DNER: variants seen among roughly 807,000 people sequenced by gnomAD.
DNER encodes delta and Notch-like epidermal growth factor-related receptor.
A neutral mutation model predicts 78.2 loss-of-function variants in DNER; 33 were observed. That is an observed-to-expected ratio of 0.42 (90% CI 0.32 to 0.56). DNER has a LOEUF of 0.56. DNER is among the 20% of genes least tolerant of loss of function. DNER has a pLI of 0.11. For missense variants in DNER, 918 were observed against 975.3 expected, an observed-to-expected ratio of 0.94 and a Z score of 0.78; for synonymous variants, 417 against 384.8, an observed-to-expected ratio of 1.08 and a Z score of -0.98.
At chr2:229,442,617 C>T (rs1461728368) in intron 8 of DNER, among the ~76,000 whole-genome samples, 3 of 152,110 alleles carry the variant, frequency 2.0e-5, no homozygotes, top group South Asian at 2.1e-4. Flanking sequence ...AATGTAAAGG[C>T]ACATGGGCCT....
At chr2:229,509,622 T>C (rs1695822865) in intron 6 of DNER, among the ~76,000 whole-genome samples, 1 of 152,156 alleles carries the variant, frequency 6.6e-6, no homozygotes, top group African/African-American at 2.4e-5. Context: ...GAGACCAGCC[T>C]GGCCATCATG....
chr2:229,519,045 C>T (rs1696039994), intron 5 of DNER, among the ~76,000 whole-genome samples: 1 of 151,810 alleles, frequency 6.6e-6, no homozygotes, highest in Admixed American at 6.6e-5. Flanking sequence ...TCTATGACTA[C>T]CTGACTATTT....
chr2:229,439,436 A>G (rs1694189551), intron 8 of DNER, among the ~76,000 whole-genome samples: 1 of 152,180 alleles, frequency 6.6e-6, no homozygotes, highest in South Asian at 2.1e-4. Flanking sequence ...GTTTGTCTGC[A>G]TTTTAAAGGT....
At chr2:229,479,690 A>G (rs1013435) in intron 6 of DNER, among the ~76,000 whole-genome samples, 90,123 of 149,670 alleles carry the variant, frequency 0.6, 27,383 homozygotes, top group South Asian at 0.83. Flanking sequence ...TCCAGCCTGG[A>G]CAATGGAGTG....
chr2:229,614,248 C>T (rs553652214), intron 1 of DNER, among the ~76,000 whole-genome samples: 132 of 151,698 alleles, frequency 8.7e-4, no homozygotes, highest in Non-Finnish European at 1.3e-3. Flanking sequence ...CCTAATCATG[C>T]GTGCTAATTG....
intron 4 of DNER, among the ~76,000 whole-genome samples, chr2:229,555,796 AAAAT>A (rs1696844911): frequency 6.6e-6 from 1 of 152,212 alleles, no homozygotes; most frequent in African/African-American, 2.4e-5. Context: ...TAAAAAAAAA[AAAAT>A]TGCTTACCAA....
chr2:229,655,896 A>G (rs1698903049), intron 1 of DNER, among the ~76,000 whole-genome samples: 1 of 152,104 alleles, frequency 6.6e-6, no homozygotes, highest in Non-Finnish European at 1.5e-5. Flanking sequence ...GTAAAGACCC[A>G]CATGAAGATG....
At chr2:229,387,888 TGTG>T (rs375524716) in intron 11 of DNER, among the ~76,000 whole-genome samples, 53 of 127,864 alleles carry the variant, frequency 4.1e-4, no homozygotes, top group African/African-American at 1.4e-3. Flanking sequence ...TGTGTGTGTG[TGTG>T]TTTTTTAATT....
At chr2:229,378,040 G>C (rs187954416) in intron 11 of DNER, among the ~76,000 whole-genome samples, 1 of 152,258 alleles carries the variant, frequency 6.6e-6, no homozygotes, top group African/African-American at 2.4e-5. Context: ...TGAGTGATGA[G>C]AATGAAAGCA....
chr2:229,404,334 G>A (rs1693334930), intron 10 of DNER, among the ~76,000 whole-genome samples: 1 of 152,184 alleles, frequency 6.6e-6, no homozygotes, highest in Non-Finnish European at 1.5e-5. Context: ...AATCATGGCA[G>A]AAGGCACCTC....
intron 1 of DNER, among the ~76,000 whole-genome samples, chr2:229,691,257 T>G (rs1304064380): frequency 6.6e-6 from 1 of 152,190 alleles, no homozygotes; most frequent in East Asian, 1.9e-4. Context: ...TATAGTTAGA[T>G]TTTGTATTTT....
chr2:229,604,124 CAG>C (rs1171187692), intron 1 of DNER, among the ~76,000 whole-genome samples: 1 of 152,220 alleles, frequency 6.6e-6, no homozygotes, highest in Non-Finnish European at 1.5e-5. Context: ...ACATGCCAAA[CAG>C]GGGTGGAAAC....
chr2:229,635,557 A>T (rs1421448676), intron 1 of DNER, among the ~76,000 whole-genome samples: 1 of 152,048 alleles, frequency 6.6e-6, no homozygotes, highest in African/African-American at 2.4e-5. Context: ...TGAAGGAGGG[A>T]AGAGGAGCAT....
At chr2:229,364,463 G>C (rs1412470518) in intron 12 of DNER, among the ~76,000 whole-genome samples, 1 of 152,156 alleles carries the variant, frequency 6.6e-6, no homozygotes, top group Non-Finnish European at 1.5e-5. Flanking sequence ...GGCTTGCAAG[G>C]GTTGGTATCA....
intron 1 of DNER, among the ~76,000 whole-genome samples, chr2:229,659,874 T>G (rs1451017319): frequency 6.6e-6 from 1 of 152,216 alleles, no homozygotes; most frequent in Non-Finnish European, 1.5e-5. Context: ...CATCAATGAC[T>G]GCCATGTATG....
chr2:229,538,020 C>T (rs1347831428), intron 5 of DNER, among the ~76,000 whole-genome samples: 3 of 152,118 alleles, frequency 2.0e-5, no homozygotes, highest in African/African-American at 7.2e-5. Context: ...ATAATTCAAA[C>T]ACAAGCCAAT....
At chr2:229,607,751 G>A (rs530100335) in intron 1 of DNER, among the ~76,000 whole-genome samples, 9 of 152,074 alleles carry the variant, frequency 5.9e-5, no homozygotes, top group East Asian at 3.9e-4. Context: ...GGATGGGCGC[G>A]ATAGCTCACA....
chr2:229,597,406 G>T (rs1435670247), intron 1 of DNER, among the ~76,000 whole-genome samples: 1 of 152,096 alleles, frequency 6.6e-6, no homozygotes, highest in East Asian at 1.9e-4. Context: ...ATACAGTCAA[G>T]ATTTTTTTAA....
At chr2:229,700,186 T>C (rs965773720) in intron 1 of DNER, among the ~76,000 whole-genome samples, 2 of 152,120 alleles carry the variant, frequency 1.3e-5, no homozygotes, top group African/African-American at 4.8e-5. Context: ...GGCATTCTCA[T>C]ATGCTGTCAG....
Sources: allele counts gnomAD v4.1 joint callset (sites outside exome capture counted in the v4.1 genomes callset), GRCh38; gene constraint gnomAD v4.1.1; transcripts MANE v1.5; gene names NCBI Gene and HGNC (gene_info 2026-07-23, HGNC 2026-07-21).